Variants in CDK13 observed in about 807,000 individuals in gnomAD.
CDK13 encodes cyclin-dependent kinase 13.
In CDK13, 40 loss-of-function variants were observed where a neutral mutation model predicts 137.6. The ratio of observed to expected loss-of-function variants is 0.29; its 90% CI spans 0.23 to 0.38. The LOEUF is 0.38. CDK13 is among the 10% of genes least tolerant of loss of function. The probability of loss-of-function intolerance (pLI) is 1.00; values close to 1 mark genes in which losing one functional copy is unlikely to be tolerated. For synonymous variants in CDK13, 869 were observed against 760.1 expected (o/e 1.14, Z -2.36); for missense variants, 1,704 against 1,951.8 (o/e 0.87, Z 2.39).
chr7:40,029,735 C>T (rs909009897), intron 5 of CDK13, among the ~76,000 whole-genome samples: 1 of 152,076 alleles, frequency 6.6e-6, no homozygotes, highest in Non-Finnish European at 1.5e-5. Context: ...TCACCACAAC[C>T]TCTGCCTCCC....
Position 40,052,396 on chromosome 7 carries a change from C to T in CDK13, c.2600+4519C>T, listed in dbSNP as rs148986437. Among the ~76,000 whole-genome samples the T allele has an allele frequency of 7.2e-5, 11 of 152,238 alleles. No individual in the cohort carries two copies. The East Asian group carries it at 1.4e-3, about 19-fold the overall frequency. ...TTCACCATGTTGGCCAGGCTGGCCT[C>T]GAACTCCTGACCTCAAGTGATCTAC... On this transcript the variant is annotated intron_variant, in intron 7 of 13. Transcript: ENST00000181839.
chr7:39,996,972 AAAAAG>A lies in CDK13; in HGVS notation c.1872-517_1872-513del, dbSNP rs1292706518. ...GTGAGATTCCATCTCAAAAAAAAAA[AAAAAG>A]AAAAAAAAAAAGAAAAATGCTTTGC... On this transcript the variant is annotated intron_variant, in intron 2 of 13. Transcript: ENST00000181839. Among the ~76,000 whole-genome samples, 20 of 147,986 alleles carry A rather than the reference AAAAAG, an allele frequency of 1.4e-4. 1 individual carries two copies. Among genetic ancestry groups the A allele is most frequent in the African/African-American group, 3.1e-4 (12 of 38,606 alleles).
chr7:39,991,737 ATT>A (rs1269847956), intron 2 of CDK13, among the ~76,000 whole-genome samples: 2 of 152,098 alleles, frequency 1.3e-5, no homozygotes, highest in East Asian at 3.9e-4. Context: ...AAGTGTTAAC[ATT>A]TTGTTTTATA....
intron 1 of CDK13, among the ~76,000 whole-genome samples, chr7:39,978,902 G>A (rs1010417790): frequency 8.5e-5 from 13 of 152,200 alleles, no homozygotes; most frequent in African/African-American, 2.9e-4. Context: ...GGAGTGTACG[G>A]TGGATGAAGG....
intron 4 of CDK13, among the ~76,000 whole-genome samples, chr7:40,000,226 GTT>G (rs1784654532): frequency 6.6e-6 from 1 of 152,024 alleles, no homozygotes; most frequent in Non-Finnish European, 1.5e-5. Context: ...AGACACAAAA[GTT>G]AGCCGGGCAT....
intron 5 of CDK13, among the ~76,000 whole-genome samples, chr7:40,045,395 A>G (rs762213355): frequency 1.3e-5 from 2 of 149,074 alleles, no homozygotes; most frequent in African/African-American, 2.5e-5. Flanking sequence ...TTATTGAGGC[A>G]TTTAGAAGTC....
intron 7 of CDK13, among the ~76,000 whole-genome samples, chr7:40,056,584 A>G (rs1212450903): frequency 1.3e-5 from 2 of 152,196 alleles, no homozygotes; most frequent in African/African-American, 4.8e-5. Context: ...TAACATATTC[A>G]TGTTTCATTT....
At chr7:40,038,080 A>G (rs1444992533) in intron 5 of CDK13, among the ~76,000 whole-genome samples, 1 of 152,228 alleles carries the variant, frequency 6.6e-6, no homozygotes, top group Non-Finnish European at 1.5e-5. Flanking sequence ...AAACAGGTAC[A>G]TTCAGAATAG....
At chr7:40,068,010 G>A (rs1474801991) in intron 9 of CDK13, 1 of 151,176 alleles carries the variant, frequency 6.6e-6, no homozygotes, top group African/African-American at 2.4e-5. Context: ...CACAATAATT[G>A]CTTGAACCCA....
At chr7:40,040,067 A>G (rs1172310257) in intron 5 of CDK13, among the ~76,000 whole-genome samples, 2 of 150,192 alleles carry the variant, frequency 1.3e-5, no homozygotes, top group African/African-American at 4.9e-5. Flanking sequence ...GATGGATTGC[A>G]ATGGCACAAT....
intron 1 of CDK13, among the ~76,000 whole-genome samples, chr7:39,981,362 C>A (rs986328152): frequency 6.8e-5 from 10 of 146,164 alleles, no homozygotes; most frequent in Admixed American, 2.0e-4. Context: ...AAGTGAGAGA[C>A]CCTGTCTTAA....
chr7:40,076,935 T>C (rs1331832615), intron 9 of CDK13, among the ~76,000 whole-genome samples: 1 of 152,206 alleles, frequency 6.6e-6, no homozygotes, highest in African/African-American at 2.4e-5. Context: ...TGAAATTTGG[T>C]ATACTAAAAA....
In CDK13 at chr7:39,951,595, A is replaced by C. The variant is rs1418126914; in HGVS notation, c.954A>C (p.Pro318=). The change falls in exon 1 of 14, where the codon CCA becomes CCC. Residue 318 remains proline, a synonymous_variant. Coordinates refer to ENST00000181839, the MANE Select transcript of CDK13 (RefSeq NM_003718.5). The part of the protein sequence containing the change: ...KAYRRRRSLS[P]LGGRDDSPVS... ...ACAGGCGGCGGCGGTCCCTCAGCCC[A>C]CTGGGAGGCCGGGACGACAGCCCGG... 2.0e-6 allele frequency: 3 copies of C among 1,491,174 alleles called. No individual in the cohort carries two copies. In the East Asian group the frequency reaches 8.1e-5, roughly 40 times the overall value. The allele number at this position is 1,491,174 out of a possible 1,614,324, so 92.4% of individuals were successfully genotyped here. A position where few individuals can be genotyped will look rare whatever the true frequency, so the allele number is the denominator to read the frequency against.
At chr7:39,982,795 C>T (rs980526839) in intron 1 of CDK13, among the ~76,000 whole-genome samples, 2 of 152,164 alleles carry the variant, frequency 1.3e-5, no homozygotes, top group East Asian at 1.9e-4. Context: ...CATGTGTCTT[C>T]TGGCTGCATA....
intron 11 of CDK13, among the ~76,000 whole-genome samples, chr7:40,083,482 T>C (rs1022207012): frequency 6.6e-6 from 1 of 152,176 alleles, no homozygotes; most frequent in Non-Finnish European, 1.5e-5. Context: ...TAGAAAAGAT[T>C]AGGAAATCAG....
intron 1 of CDK13, among the ~76,000 whole-genome samples, chr7:39,960,378 C>T (rs4524692): frequency 6.6e-6 from 1 of 151,804 alleles, no homozygotes; most frequent in Admixed American, 6.6e-5. Flanking sequence ...GCCTCAGCCT[C>T]GCGAGTAGCT....
intron 1 of CDK13, among the ~76,000 whole-genome samples, chr7:39,957,090 CGTGTGTGTGTGTGTGT>C (rs70996865): frequency 5.0e-5 from 7 of 140,934 alleles, no homozygotes; most frequent in Non-Finnish European, 7.7e-5. Context: ...ATCCCACTGT[CGTGTGTGTGTGTGTGT>C]GTGTGTGTGT....
chr7:39,952,590 T>C (rs1167759142), intron 1 of CDK13: 1 of 152,224 alleles, frequency 6.6e-6, no homozygotes, highest in Non-Finnish European at 1.5e-5. Flanking sequence ...AATAACATTA[T>C]AAATCTGGGT....
intron 1 of CDK13, among the ~76,000 whole-genome samples, chr7:39,958,704 A>G (rs1347941957): frequency 6.7e-6 from 1 of 149,760 alleles, no homozygotes; most frequent in African/African-American, 2.5e-5. Flanking sequence ...TTTTTTTTTT[A>G]ATTTTTGCTA....
Sources: allele counts gnomAD v4.1 joint callset (sites outside exome capture counted in the v4.1 genomes callset), GRCh38; gene constraint gnomAD v4.1.1; transcripts MANE v1.5; gene names NCBI Gene and HGNC (gene_info 2026-07-23, HGNC 2026-07-21).